The following PDE3B variants were observed in gnomAD, a reference collection of about 807,000 sequenced individuals.
PDE3B encodes the protein cGMP-inhibited 3',5'-cyclic phosphodiesterase 3B.
A neutral mutation model predicts 116.8 loss-of-function variants in PDE3B; 66 were observed. The ratio of observed to expected loss-of-function variants is 0.56; its 90% CI spans 0.46 to 0.69. The LOEUF (loss-of-function observed/expected upper bound fraction) is 0.69, where lower values mean the gene tolerates loss of function less well. Among genes scored for constraint, PDE3B ranks in the 30% least tolerant of loss-of-function variants. The probability of loss-of-function intolerance (pLI) is 0.00; values close to 1 mark genes in which losing one functional copy is unlikely to be tolerated. For synonymous variants in PDE3B, 595 were observed against 533.6 expected, an observed-to-expected ratio of 1.12 and a Z score of -1.59; for missense variants, 1,384 against 1,368.1, an observed-to-expected ratio of 1.01 and a Z score of -0.18.
intron 1 of PDE3B, among the ~76,000 whole-genome samples, chr11:14,721,771 T>C (rs1447285769): frequency 0.012 from 1 of 86 alleles, no homozygotes; most frequent in East Asian, 0.25. Flanking sequence ...CTGTGGACTG[T>C]GGTGCGGGTG....
chr11:14,742,721 A>G (rs1856805568), intron 1 of PDE3B, among the ~76,000 whole-genome samples: 1 of 152,072 alleles, frequency 6.6e-6, no homozygotes, highest in South Asian at 2.1e-4. Context: ...TTGTGGATTT[A>G]TCTACCTTTG....
the PDE3B span, chr11:14,891,973 G>T: frequency 6.2e-7 from 1 of 1,612,546 alleles, no homozygotes; most frequent in Non-Finnish European, 8.5e-7. Flanking sequence ...GGCCCGTCGG[G>T]GCTGTACCTC....
At chr11:14,895,605 T>G in the PDE3B span, among the ~76,000 whole-genome samples, 1 of 152,196 alleles carries the variant, frequency 6.6e-6, no homozygotes. Flanking sequence ...ATTGTGCTCT[T>G]AGGAGCCAGG....
intron 1 of PDE3B, among the ~76,000 whole-genome samples, chr11:14,671,988 G>T (rs1047221193): frequency 2.1e-5 from 3 of 146,108 alleles, no homozygotes; most frequent in Non-Finnish European, 3.0e-5. Flanking sequence ...CTGTACTCCA[G>T]CCTGGGTGAC....
intron 5 of PDE3B, among the ~76,000 whole-genome samples, chr11:14,811,937 G>A (rs895809108): frequency 6.6e-6 from 1 of 151,888 alleles, no homozygotes; most frequent in Non-Finnish European, 1.5e-5. Context: ...ATTTGGCTCT[G>A]TGTTTGTCTG....
In PDE3B at chr11:14,818,208, G is replaced by A. The variant is rs765526427; in HGVS notation, c.1548G>A (p.Val516=). The A allele has an allele frequency of 3.9e-5, 63 of 1,612,834 alleles. No homozygotes were observed. The highest frequency in any genetic ancestry group is 5.0e-5 in the Non-Finnish European group (59 of 1,179,186). ...GTGTTTTGTCCAGTCTGAGTCCTGT[G>A]AATTCTTCCAACCATGGACCAGTGT... ...RAGVLSSLSP[V]NSSNHGPVST... is the part of the protein sequence containing the mutation. The change falls in exon 6 of 16, where the codon GTG becomes GTA. Residue 516 remains valine (V), a synonymous_variant. Coordinates refer to ENST00000282096, the MANE Select transcript of PDE3B (RefSeq NM_000922.4).
rs779289276 is a variant in PDE3B at position 14,644,802 on chromosome 11, GC to G, written c.730del (p.Leu244SerfsTer45). The G allele has an allele frequency of 9.9e-6, 16 of 1,610,896 alleles. No individual in the cohort carries two copies. The highest frequency in any genetic ancestry group is 1.7e-4 in the Middle Eastern group (1 of 6,046). ...CACCAGCCTCGGGTCGCTGCCCTCC[GC>G]CCTCAGGCCGCTGCTCTCCGGCCTG... is the stretch of plus-strand genomic sequence containing the variant. Reference protein sequence around the residue: ...SFTSLGSLPSALRPLLSGLVG... With the variant: ...SFTSLGSLPSXLRPLLSGLVG... On this transcript the variant is annotated frameshift_variant, in exon 1 of 16. Coordinates refer to ENST00000282096, the MANE Select transcript of PDE3B (RefSeq NM_000922.4). LOFTEE classifies it high-confidence loss of function.
intron 7 of PDE3B, among the ~76,000 whole-genome samples, chr11:14,827,377 C>T (rs1859729444): frequency 6.6e-6 from 1 of 152,138 alleles, no homozygotes; most frequent in African/African-American, 2.4e-5. Flanking sequence ...GGAGGTCAAA[C>T]TATCCCTGTT....
intron 1 of PDE3B, among the ~76,000 whole-genome samples, chr11:14,656,046 T>C (rs1853708582): frequency 6.6e-6 from 1 of 152,170 alleles, no homozygotes; most frequent in African/African-American, 2.4e-5. Context: ...AATGAAAATA[T>C]TGGGAGCAGG....
intron 12 of PDE3B, among the ~76,000 whole-genome samples, chr11:14,845,361 A>G (rs1375751630): frequency 7.9e-5 from 12 of 151,960 alleles, no homozygotes; most frequent in East Asian, 3.9e-4. Context: ...TCAAAGACCA[A>G]AAGTAGATAA....
chr11:14,802,042 A>G (rs1325288823), intron 4 of PDE3B, among the ~76,000 whole-genome samples: 2 of 152,234 alleles, frequency 1.3e-5, no homozygotes, highest in Non-Finnish European at 2.9e-5. Flanking sequence ...GAGAATTTCA[A>G]GCCAGTGGAT....
Position 14,830,855 on chromosome 11 carries a change from T to C in PDE3B, c.1956+9T>C, listed in dbSNP as rs114395954. On this transcript the variant is annotated intron_variant, in intron 8 of 15. Coordinates refer to ENST00000282096, the MANE Select transcript of PDE3B (RefSeq NM_000922.4). The stretch of plus-strand genomic sequence containing the variant: ...GTGAACAGCAAACAAATGTAAAAGA[T>C]AAACTTTCAATATGATTATGTTAAG... 5.8e-4 allele frequency: 860 copies of C among 1,478,562 alleles called. 6 individuals are homozygous for C. In the African/African-American group the frequency reaches 0.011, roughly 18 times the overall value. 91.6% of individuals were successfully genotyped at this position (1,478,562 alleles called of 1,614,324 possible).
At chr11:14,691,718 C>A (rs180777464) in intron 1 of PDE3B, among the ~76,000 whole-genome samples, 1 of 151,740 alleles carries the variant, frequency 6.6e-6, no homozygotes, top group African/African-American at 2.4e-5. Flanking sequence ...TAAGCATGTA[C>A]GTATATATTG....
chr11:14,808,055 G>A (rs1361201008), intron 5 of PDE3B, among the ~76,000 whole-genome samples: 7 of 142,476 alleles, frequency 4.9e-5, no homozygotes, highest in Admixed American at 2.1e-4. Flanking sequence ...GCGAGCCTTC[G>A]TCTCAAAAAA....
chr11:14,762,061 C>T (rs1473012413), intron 1 of PDE3B, among the ~76,000 whole-genome samples: 1 of 151,972 alleles, frequency 6.6e-6, no homozygotes, highest in African/African-American at 2.4e-5. Context: ...AATCCCAGCA[C>T]TTTGGGAAAC....
chr11:14,660,727 G>GCTGCTTCGGGA (rs1853875337), intron 1 of PDE3B, among the ~76,000 whole-genome samples: 1 of 152,070 alleles, frequency 6.6e-6, no homozygotes, highest in Non-Finnish European at 1.5e-5. Context: ...GCTTATAATA[G>GCTGCTTCGGGA]CTGCTTCGGG....
chr11:14,880,073 T>C, the PDE3B span: 1 of 1,570,572 alleles, frequency 6.4e-7, no homozygotes, highest in Non-Finnish European at 8.7e-7. Flanking sequence ...TGGCCAAGAC[T>C]CAAAAACATG....
chr11:14,721,717 T>A (rs1391819321), intron 1 of PDE3B, among the ~76,000 whole-genome samples: 2 of 80,736 alleles, frequency 2.5e-5, no homozygotes, highest in Non-Finnish European at 4.5e-5. Context: ...AGGTGGGAAT[T>A]GAACAATGAG....
chr11:14,844,882 C>T (rs1164647930), intron 12 of PDE3B, among the ~76,000 whole-genome samples: 1 of 152,280 alleles, frequency 6.6e-6, no homozygotes, highest in Non-Finnish European at 1.5e-5. Flanking sequence ...GCCTGCCTGC[C>T]TCTGTAGGCT....
Sources: allele counts gnomAD v4.1 joint callset (sites outside exome capture counted in the v4.1 genomes callset), GRCh38; gene constraint gnomAD v4.1.1; transcripts MANE v1.5; gene names NCBI Gene and HGNC (gene_info 2026-07-23, HGNC 2026-07-21).